The following CUL5 variants were observed in gnomAD, a reference collection of about 807,000 sequenced individuals.
The protein encoded by CUL5 is cullin-5.
In CUL5, 26 loss-of-function variants were observed where a neutral mutation model predicts 108.8. That is an observed-to-expected ratio of 0.24 (90% CI 0.18 to 0.33). The LOEUF is 0.33. Ranked by LOEUF, CUL5 falls within the 10% of genes least tolerant of loss-of-function variation. The pLI, the probability that CUL5 is intolerant of heterozygous loss-of-function variation, is 1.00. For synonymous variants in CUL5, 334 were observed against 298.0 expected, an observed-to-expected ratio of 1.12 and a Z score of -1.25; for missense variants, 524 against 909.2, an observed-to-expected ratio of 0.58 and a Z score of 5.45.
At chr11:108,057,940 G>A (rs541001783) in intron 7 of CUL5, among the ~76,000 whole-genome samples, 4 of 152,178 alleles carry the variant, frequency 2.6e-5, no homozygotes, top group Non-Finnish European at 5.9e-5. Flanking sequence ...GCTGGGTGCA[G>A]TGGCTCACGC....
rs1475416197 is a variant in CUL5, at chr11:108,073,517, T to TA, written c.1113+26dup. The TA allele has an allele frequency of 8.9e-7, 1 of 1,119,692 alleles. No homozygotes were observed. The highest frequency in any genetic ancestry group is 1.6e-5 in the South Asian group (1 of 61,292). 69.4% of individuals were successfully genotyped at this position (1,119,692 alleles called of 1,614,324 possible). On this transcript the variant is annotated intron_variant, in intron 10 of 18. Transcript: ENST00000393094. ...GATAAGGTATATATTCCTATATATA[T>TA]AAAAAACACTTTTAAAAGTTTTATT...
intron 7 of CUL5, among the ~76,000 whole-genome samples, chr11:108,066,398 T>C (rs1591310906): frequency 1.3e-5 from 2 of 152,184 alleles, no homozygotes; most frequent in East Asian, 3.8e-4. Context: ...AGACCCTTCA[T>C]AATTTGACCC....
intron 11 of CUL5, among the ~76,000 whole-genome samples, chr11:108,085,888 G>T (rs193136055): frequency 4.6e-5 from 7 of 152,094 alleles, no homozygotes; most frequent in African/African-American, 1.7e-4. Context: ...TGATGATTAC[G>T]CAACCCTCTG....
rs1864402080 is a variant in CUL5, at chr11:108,093,278, TTC to T, written c.1444-1111_1444-1110del. ...CACACCCCCTGTAATTTGGATGATCTTCTAGCATTTTATCTTTTGGGCTGTCA... is the reference window on the plus strand; with the variant it reads ...CACACCCCCTGTAATTTGGATGATCTTAGCATTTTATCTTTTGGGCTGTCA... On this transcript the variant is annotated intron_variant, in intron 13 of 18. Transcript: ENST00000393094. Among the ~76,000 whole-genome samples, 9 of 114,752 alleles carry T rather than the reference TTC, an allele frequency of 7.8e-5. No homozygotes were observed. In the South Asian group the frequency reaches 2.4e-3, roughly 31 times the overall value. The allele number at this position is 114,752 out of a possible 152,430, so 75.3% of individuals were successfully genotyped here.
intron 10 of CUL5, among the ~76,000 whole-genome samples, chr11:108,076,664 C>A (rs2135196020): frequency 6.6e-6 from 1 of 152,242 alleles, no homozygotes; most frequent in Non-Finnish European, 1.5e-5. Flanking sequence ...GTTAATAATG[C>A]AGTGAATGTG....
chr11:108,093,480 T>A (rs1466978109), intron 13 of CUL5, among the ~76,000 whole-genome samples: 1 of 152,246 alleles, frequency 6.6e-6, no homozygotes, highest in Non-Finnish European at 1.5e-5. Context: ...CTTTCTTCTA[T>A]AACTCCATTT....
chr11:108,055,050 A>G, intron 7 of CUL5, 95 bp downstream of exon 7: 3 of 907,248 alleles, frequency 3.3e-6, no homozygotes, highest in East Asian at 2.7e-5. Context: ...TTATTTAACA[A>G]CCAACATTGT....
chr11:108,028,405 C>T (rs1439692705), intron 1 of CUL5, among the ~76,000 whole-genome samples: 1 of 152,194 alleles, frequency 6.6e-6, no homozygotes, highest in East Asian at 1.9e-4. Flanking sequence ...AACCACTTCT[C>T]ATACCTCCTA....
chr11:108,058,152 T>G (rs2135148030), intron 7 of CUL5, among the ~76,000 whole-genome samples: 1 of 131,550 alleles, frequency 7.6e-6, no homozygotes, highest in East Asian at 2.4e-4. Flanking sequence ...GAGGTTGCAG[T>G]GAGCCGAGAT....
chr11:108,037,039 A>G (rs1370465002), intron 2 of CUL5, among the ~76,000 whole-genome samples: 1 of 152,064 alleles, frequency 6.6e-6, no homozygotes, highest in East Asian at 1.9e-4. Flanking sequence ...AGGAGAGAGC[A>G]TACAAACTTT....
intron 11 of CUL5, among the ~76,000 whole-genome samples, chr11:108,087,127 CAT>C (rs1250679597): frequency 1.3e-5 from 2 of 151,892 alleles, no homozygotes; most frequent in African/African-American, 2.4e-5. Context: ...ATAAGAAAAA[CAT>C]ATTCTAGTCT....
At chr11:108,095,039 C>T (rs1368408570) in intron 15 of CUL5, 52 bp downstream of exon 15, 1 of 1,433,392 alleles carries the variant, frequency 7.0e-7, no homozygotes, top group Non-Finnish European at 9.6e-7. Flanking sequence ...ATGAAAGTAG[C>T]AGGACTCCGC....
intron 11 of CUL5, among the ~76,000 whole-genome samples, chr11:108,088,031 G>A (rs1252353147): frequency 6.6e-6 from 1 of 151,602 alleles, no homozygotes; most frequent in East Asian, 1.9e-4. Flanking sequence ...TATTGCTTAG[G>A]AAGAATTCAT....
intron 7 of CUL5, among the ~76,000 whole-genome samples, chr11:108,057,298 G>C (rs1279485647): frequency 6.6e-6 from 1 of 152,122 alleles, no homozygotes; most frequent in Admixed American, 6.5e-5. Flanking sequence ...AGAGTGCTAG[G>C]ATTACAGGCA....
intron 2 of CUL5, among the ~76,000 whole-genome samples, chr11:108,041,487 G>A (rs1489477782): frequency 6.6e-6 from 1 of 151,828 alleles, no homozygotes; most frequent in Non-Finnish European, 1.5e-5. Context: ...ATGTTGACCA[G>A]ACTGGTCGCG....
intron 17 of CUL5, among the ~76,000 whole-genome samples, 192 bp downstream of exon 17, chr11:108,097,946 A>G (rs937558572): frequency 6.6e-6 from 1 of 152,148 alleles, no homozygotes; most frequent in Non-Finnish European, 1.5e-5. Flanking sequence ...TCATTGATAC[A>G]TTTTTGGTCT....
intron 11 of CUL5, among the ~76,000 whole-genome samples, chr11:108,084,559 T>A (rs1220747425): frequency 1.3e-5 from 2 of 152,242 alleles, no homozygotes; most frequent in Non-Finnish European, 2.9e-5. Context: ...CCATTCTTAA[T>A]GCAAGATAAC....
chr11:108,036,454 C>A (rs534175069), intron 2 of CUL5, among the ~76,000 whole-genome samples: 1 of 152,138 alleles, frequency 6.6e-6, no homozygotes, highest in Non-Finnish European at 1.5e-5. Flanking sequence ...ACAAAGTCAT[C>A]TTTCAACCCC....
intron 2 of CUL5, among the ~76,000 whole-genome samples, chr11:108,040,606 C>A (rs1177399567): frequency 1.5e-5 from 1 of 66,624 alleles, no homozygotes; most frequent in Non-Finnish European, 2.9e-5. Context: ...AGTGAGACTC[C>A]GTCTCAAAAA....
Sources: allele counts gnomAD v4.1 joint callset (sites outside exome capture counted in the v4.1 genomes callset), GRCh38; gene constraint gnomAD v4.1.1; transcripts MANE v1.5; gene names NCBI Gene and HGNC (gene_info 2026-07-23, HGNC 2026-07-21).